The following KCNC2 variants were observed in gnomAD, a reference collection of about 807,000 sequenced individuals.
KCNC2 encodes voltage-gated potassium channel KCNC2.
Under a neutral mutation model 44.5 loss-of-function variants are expected in KCNC2, and 21 were observed. The ratio of observed to expected loss-of-function variants is 0.47; its 90% CI spans 0.33 to 0.68. KCNC2 has a LOEUF of 0.68. Ranked by LOEUF, KCNC2 falls within the 30% of genes least tolerant of loss-of-function variation. The pLI is 0.01. For synonymous variants in KCNC2, 391 were observed against 339.1 expected (o/e 1.15, Z -1.68); for missense variants, 589 against 826.2 (o/e 0.71, Z 3.52).
chr12:75,085,721 A>G (rs1884942625), intron 2 of KCNC2, among the ~76,000 whole-genome samples: 1 of 152,018 alleles, frequency 6.6e-6, no homozygotes, highest in African/African-American at 2.4e-5. Flanking sequence ...GTTGGCCTCT[A>G]CTTATAGGCC....
chr12:75,071,937 CAAA>C (rs751849483), intron 2 of KCNC2, among the ~76,000 whole-genome samples: 1 of 67,358 alleles, frequency 1.5e-5, no homozygotes, highest in African/African-American at 8.1e-5. Context: ...GACTCCTTCT[CAAA>C]AAAAAAAAAA....
At chr12:75,182,458 G>T (rs1358692113) in intron 2 of KCNC2, among the ~76,000 whole-genome samples, 1 of 146,128 alleles carries the variant, frequency 6.8e-6, no homozygotes, top group Non-Finnish European at 1.5e-5. Flanking sequence ...GGGAGGCGGA[G>T]CTTAGTGAGC....
At chr12:75,160,329 C>G (rs972517974) in intron 2 of KCNC2, among the ~76,000 whole-genome samples, 3 of 151,632 alleles carry the variant, frequency 2.0e-5, no homozygotes, top group African/African-American at 7.3e-5. Flanking sequence ...AGTCTCCAGA[C>G]CTGTGAAAAA....
chr12:75,063,939 C>T (rs1349385324), intron 2 of KCNC2, among the ~76,000 whole-genome samples: 2 of 152,028 alleles, frequency 1.3e-5, no homozygotes, highest in African/African-American at 2.4e-5. Context: ...TTATTTTTCT[C>T]AACAAATTAT....
At chr12:75,193,288 T>C (rs1191044095) in intron 2 of KCNC2, among the ~76,000 whole-genome samples, 2 of 152,120 alleles carry the variant, frequency 1.3e-5, no homozygotes, top group South Asian at 4.2e-4. Flanking sequence ...TACTGAGATA[T>C]AAAGCAAATA....
intron 2 of KCNC2, among the ~76,000 whole-genome samples, chr12:75,144,325 T>C (rs1310027209): frequency 1.3e-5 from 2 of 152,188 alleles, no homozygotes; most frequent in East Asian, 3.8e-4. Flanking sequence ...TGCATTCACA[T>C]CATGTGATAG....
chr12:75,114,270 TA>T (rs1887478012), intron 2 of KCNC2, among the ~76,000 whole-genome samples: 1 of 152,208 alleles, frequency 6.6e-6, no homozygotes, highest in African/African-American at 2.4e-5. Context: ...AAAAAATATC[TA>T]AAATTAAAAA....
At chr12:75,122,365 A>G (rs1485031667) in intron 2 of KCNC2, among the ~76,000 whole-genome samples, 5 of 152,198 alleles carry the variant, frequency 3.3e-5, no homozygotes, top group African/African-American at 1.2e-4. Context: ...TAAGGTAGAA[A>G]GAGAAGAGCC....
chr12:75,058,529 A>G (rs1881983972), intron 2 of KCNC2, among the ~76,000 whole-genome samples: 1 of 152,052 alleles, frequency 6.6e-6, no homozygotes, highest in Non-Finnish European at 1.5e-5. Flanking sequence ...TACTTAATGG[A>G]AAGTGATGGA....
chr12:75,047,177 A>G (rs1049484069), intron 4 of KCNC2, among the ~76,000 whole-genome samples: 43 of 152,044 alleles, frequency 2.8e-4, no homozygotes, highest in Admixed American at 2.8e-3. Context: ...AACTGTGGCA[A>G]TAAAGCAACT....
chr12:75,106,800 G>A (rs905288053), intron 2 of KCNC2, among the ~76,000 whole-genome samples: 2 of 152,034 alleles, frequency 1.3e-5, no homozygotes, highest in Non-Finnish European at 1.5e-5. Flanking sequence ...ATACTACTAT[G>A]GAGAAAGCAG....
chr12:75,059,834 T>G (rs1386587995), intron 2 of KCNC2, among the ~76,000 whole-genome samples: 1 of 151,510 alleles, frequency 6.6e-6, no homozygotes, highest in South Asian at 2.1e-4. Flanking sequence ...ACAATAGTCA[T>G]AGAGATCTAC....
In KCNC2 at chr12:75,148,109, A is replaced by G. The variant is rs148226778; in HGVS notation, c.687+59188T>C. On this transcript the variant is annotated intron_variant, in intron 2 of 4. Transcript: ENST00000549446. ...CTCTTTTCCCCATCCACTTTTCCCT[A>G]CAATGTATACATATATCAGAACATT... 2.1e-4 allele frequency among the ~76,000 whole-genome samples: 32 copies of G among 152,228 alleles called. No homozygotes were observed. In the East Asian group the frequency reaches 2.7e-3, roughly 13 times the overall value.
intron 2 of KCNC2, among the ~76,000 whole-genome samples, chr12:75,122,028 C>T (rs1000671105): frequency 6.6e-6 from 1 of 152,092 alleles, no homozygotes; most frequent in Non-Finnish European, 1.5e-5. Flanking sequence ...ACCTATTAGA[C>T]CATACAGTGA....
intron 2 of KCNC2, among the ~76,000 whole-genome samples, chr12:75,053,364 A>G (rs745534556): frequency 6.6e-6 from 1 of 151,672 alleles, no homozygotes; most frequent in Non-Finnish European, 1.5e-5. Context: ...ATAGCTCACT[A>G]CCTCCTTAGT....
chr12:75,078,254 G>C (rs1264830561), intron 2 of KCNC2, among the ~76,000 whole-genome samples: 2 of 152,156 alleles, frequency 1.3e-5, no homozygotes, highest in Non-Finnish European at 2.9e-5. Flanking sequence ...CAGAAGACCA[G>C]AGTGGTACTA....
intron 2 of KCNC2, among the ~76,000 whole-genome samples, chr12:75,078,166 A>G (rs971202653): frequency 2.6e-5 from 4 of 152,208 alleles, no homozygotes; most frequent in African/African-American, 9.6e-5. Flanking sequence ...GTCAAAAGAC[A>G]CCATAACTAT....
At position 75,207,824 on chromosome 12, in the gene KCNC2, G is replaced by A; in HGVS notation, c.160C>T (p.Leu54=). The A allele has an allele frequency of 5.0e-6, 8 of 1,608,276 alleles. No homozygotes were observed. Among genetic ancestry groups the A allele is most frequent in the Non-Finnish European group, 6.8e-6 (8 of 1,178,740 alleles). ...GDCLTTAGDK[L]QPSPPPLSPP... The stretch of plus-strand genomic sequence containing the variant: ...GACAGTGGAGGCGGCGACGGCTGCA[G>A]CTTGTCGCCCGCCGTGGTCAAGCAG... Residue 54 remains leucine (L), a synonymous_variant, in exon 2 of 5, where the codon CTG becomes TTG. Coordinates refer to ENST00000549446, the MANE Select transcript of KCNC2 (RefSeq NM_139137.4). This position sits in a 1 kb window ranked among gnomAD's most constrained non-coding sequence, Gnocchi z 4.1.
At chr12:75,088,954 C>T (rs1382550258) in intron 2 of KCNC2, among the ~76,000 whole-genome samples, 1 of 151,846 alleles carries the variant, frequency 6.6e-6, no homozygotes, top group Non-Finnish European at 1.5e-5. Context: ...ATAACCTCCA[C>T]AGCCCCATAA....
Sources: gnomAD v4.1 joint callset for allele counts (sites outside exome capture counted in the v4.1 genomes callset) on GRCh38, gnomAD v4.1.1 for gene constraint, Gnocchi (gnomAD v3.1) non-coding constraint, MANE v1.5 for transcripts, NCBI Gene and HGNC (gene_info 2026-07-23, HGNC 2026-07-21) for gene names.